PAPPA2: variants seen among roughly 807,000 people sequenced by gnomAD.
The protein encoded by PAPPA2 is pappalysin-2.
A neutral mutation model predicts 176.4 loss-of-function variants in PAPPA2; 86 were observed. The ratio of observed to expected loss-of-function variants is 0.49; its 90% CI spans 0.41 to 0.58. PAPPA2 has a LOEUF of 0.58. PAPPA2 is among the 20% of genes least tolerant of loss of function. PAPPA2 has a pLI of 0.00. For missense variants in PAPPA2, 2,073 were observed against 2,256.9 expected, an observed-to-expected ratio of 0.92 and a Z score of 1.65; for synonymous variants, 809 against 852.2, an observed-to-expected ratio of 0.95 and a Z score of 0.88.
At chr1:176,713,884 T>G (rs1270993160) in intron 12 of PAPPA2, among the ~76,000 whole-genome samples, 1 of 152,204 alleles carries the variant, frequency 6.6e-6, no homozygotes, top group Non-Finnish European at 1.5e-5. Context: ...AACCTTATTT[T>G]TTGACTTTTA....
chr1:176,739,651 C>T lies in PAPPA2; in HGVS notation c.3824C>T (p.Ala1275Val). The T allele has an allele frequency of 6.2e-7, 1 of 1,613,442 alleles. No homozygotes were observed. Among genetic ancestry groups the T allele is most frequent in the Non-Finnish European group, 8.5e-7 (1 of 1,179,584 alleles). The change falls in exon 13 of 23, where the codon GCC becomes GTC. Residue 1275 changes from alanine to valine, a missense_variant. By Grantham distance (64) the Ala-to-Val change is moderately conservative. This residue lies in a region of PAPPA2 where 846 missense variants were observed against 857.9 expected (regional missense o/e 0.99). Coordinates refer to ENST00000367662, the MANE Select transcript of PAPPA2 (RefSeq NM_020318.3). ...GTGTGTTTCAATAGACCAGGAGAGG[C>T]CAGAGCAATTTTTATTTTTTTGACA... ...LKVCFNRPGEARAIFIFLTTD... is the reference protein window; with the variant it reads ...LKVCFNRPGEVRAIFIFLTTD...
In PAPPA2 at chr1:176,595,033, C is replaced by T. The variant is rs199919301; in HGVS notation, c.1429C>T (p.Arg477Ter). The T allele has an allele frequency of 6.8e-6, 11 of 1,614,168 alleles. No homozygotes were observed. Among genetic ancestry groups the T allele is most frequent in the South Asian group, 1.1e-5 (1 of 91,086 alleles). The change falls in exon 3 of 23, where the codon CGA (arginine) becomes TGA (stop). Residue 477 changes from arginine (R) to a stop codon, truncating the protein, a stop_gained. Coordinates refer to ENST00000367662, the MANE Select transcript of PAPPA2 (RefSeq NM_020318.3). LOFTEE classifies it high-confidence loss of function. ...WVPFRDEKYP[R>*]LEVLQGFEPE... is the part of the protein sequence containing the mutation. ...TCCCTTTAGAGATGAGAAGTACCCA[C>T]GACTTGAGGTTCTCCAGGGCTTTGA...
chr1:176,842,728 C>A lies in PAPPA2; in HGVS notation c.*274C>A. 1 of 438,652 alleles carries A rather than the reference C, an allele frequency of 2.3e-6. No individual in the cohort carries two copies. Among genetic ancestry groups the A allele is most frequent in the Non-Finnish European group, 4.1e-6 (1 of 241,012 alleles). The allele number at this position is 438,652 out of a possible 1,614,324, so 27.2% of individuals were successfully genotyped here. ...AATATGATAGATATATAAGGACCCT[C>A]CTCCCTCACTTATATTCTATTAAAT... On this transcript the variant is annotated 3_prime_UTR_variant, in exon 23 of 23. Coordinates refer to ENST00000367662, the MANE Select transcript of PAPPA2 (RefSeq NM_020318.3).
intron 17 of PAPPA2, among the ~76,000 whole-genome samples, chr1:176,788,087 A>G (rs932978275): frequency 5.3e-5 from 8 of 152,180 alleles, no homozygotes; most frequent in Non-Finnish European, 1.2e-4. Flanking sequence ...AGAAAAAAAA[A>G]GATGATTTCA....
Position 176,594,837 on chromosome 1 carries a change from C to G in PAPPA2, c.1233C>G (p.Asp411Glu). 3 of 1,614,238 alleles carry G rather than the reference C, an allele frequency of 1.9e-6. No homozygotes were observed. The highest frequency in any genetic ancestry group is 1.7e-6 in the Non-Finnish European group (2 of 1,180,052). Residue 411 changes from aspartate (D) to glutamate (E), a missense_variant, in exon 3 of 23, where the codon GAC becomes GAG. Asp to Glu is a conservative substitution (Grantham distance 45). This residue lies in a region of PAPPA2 where 1,196 missense variants were observed against 1,330.4 expected (regional missense o/e 0.90). Transcript: ENST00000367662. ...ASCRSLLLGG[D>E]SSEDGHYFRG... ...GCCGCTCTTTGCTCCTGGGGGGAGA[C>G]AGCTCTGAGGATGGGCACTATTTCC...
In PAPPA2 at chr1:176,840,203, A is replaced by G. The variant is rs749896655; in HGVS notation, c.5233A>G (p.Ile1745Val). 2.5e-6 allele frequency: 4 copies of G among 1,613,358 alleles called. No homozygotes were observed. In the African/African-American group the frequency reaches 5.3e-5, roughly 22 times the overall value. ...CCAAGCAGATGGTTGGTGTGACACTATCAACAACCGAGCCTACTGCCACTA... is the reference window on the plus strand; with the variant it reads ...CCAAGCAGATGGTTGGTGTGACACTGTCAACAACCGAGCCTACTGCCACTA... ...PFQADGWCDT[I>V]NNRAYCHYDG... The change falls in exon 22 of 23, where the codon ATC becomes GTC. Residue 1745 changes from isoleucine (I) to valine (V), a missense_variant. Ile to Val is a conservative substitution (Grantham distance 29). Coordinates refer to ENST00000367662, the MANE Select transcript of PAPPA2 (RefSeq NM_020318.3).
chr1:176,816,354 T>C (rs1666400269), intron 21 of PAPPA2, among the ~76,000 whole-genome samples: 1 of 131,784 alleles, frequency 7.6e-6, no homozygotes, highest in African/African-American at 2.8e-5. Flanking sequence ...ATAGATGAGG[T>C]TTTAGCTCTC....
At chr1:176,714,297 G>A (rs1298179449) in intron 12 of PAPPA2, among the ~76,000 whole-genome samples, 1 of 151,984 alleles carries the variant, frequency 6.6e-6, no homozygotes, top group Non-Finnish European at 1.5e-5. Context: ...AACCCCTAAT[G>A]TTTAAGCCAG....
At chr1:176,561,388 T>C (rs1219709435) in intron 2 of PAPPA2, among the ~76,000 whole-genome samples, 1 of 152,200 alleles carries the variant, frequency 6.6e-6, no homozygotes, top group Non-Finnish European at 1.5e-5. Context: ...AGGCAATCAT[T>C]ACTGGGAGCA....
At chr1:176,597,539 TG>T (rs532486169) in intron 3 of PAPPA2, among the ~76,000 whole-genome samples, 1 of 151,818 alleles carries the variant, frequency 6.6e-6, no homozygotes, top group Non-Finnish European at 1.5e-5. Context: ...TGTCATGGGC[TG>T]GGGGGCTAGG....
rs543901391 is a variant in PAPPA2 at position 176,463,302 on chromosome 1, G to C, written c.-1033G>C. ...AAATTCCTTCTCACAACAGTGTCAA[G>C]AGCCTGGACGCCAGCCAGGATTGAG... On this transcript the variant is annotated 5_prime_UTR_variant, in exon 1 of 23. Coordinates refer to ENST00000367662, the MANE Select transcript of PAPPA2 (RefSeq NM_020318.3). 6.6e-6 allele frequency: 1 copy of C among 152,340 alleles called. No homozygotes were observed. The highest frequency in any genetic ancestry group is 1.9e-4 in the East Asian group (1 of 5,170). The allele number at this position is 152,340 out of a possible 1,614,324, so 9.4% of individuals were successfully genotyped here.
chr1:176,619,121 G>A (rs1655441918), intron 3 of PAPPA2, among the ~76,000 whole-genome samples: 3 of 152,164 alleles, frequency 2.0e-5, no homozygotes, highest in Admixed American at 6.5e-5. Context: ...ATGGCTCATG[G>A]AGGAAGTTGC....
chr1:176,805,983 G>GTC (rs1259967376), intron 21 of PAPPA2, among the ~76,000 whole-genome samples: 1 of 90,360 alleles, frequency 1.1e-5, no homozygotes, highest in Non-Finnish European at 2.0e-5. Flanking sequence ...GCAAAACCCT[G>GTC]TCTCTCTCAA....
intron 21 of PAPPA2, among the ~76,000 whole-genome samples, chr1:176,803,578 T>G (rs763307385): frequency 9.2e-5 from 14 of 152,148 alleles, no homozygotes; most frequent in African/African-American, 1.4e-4. Context: ...GATCATTATA[T>G]GAGTAGCTCT....
At chr1:176,593,392 G>A (rs1464270417) in intron 2 of PAPPA2, among the ~76,000 whole-genome samples, 1 of 152,150 alleles carries the variant, frequency 6.6e-6, no homozygotes, top group Non-Finnish European at 1.5e-5. Flanking sequence ...CCAAAGACTA[G>A]TATATTTTTC....
chr1:176,510,057 A>C (rs191542495), intron 1 of PAPPA2, among the ~76,000 whole-genome samples: 2 of 152,180 alleles, frequency 1.3e-5, no homozygotes, highest in Non-Finnish European at 2.9e-5. Context: ...AATAAACCCC[A>C]AAAACAAAAA....
intron 21 of PAPPA2, among the ~76,000 whole-genome samples, chr1:176,817,008 T>C (rs972576483): frequency 6.6e-6 from 1 of 152,116 alleles, no homozygotes; most frequent in African/African-American, 2.4e-5. Flanking sequence ...CCTAGGAATA[T>C]AAAGGTAATC....
At chr1:176,607,584 A>G (rs56303916) in intron 3 of PAPPA2, among the ~76,000 whole-genome samples, 78,588 of 152,036 alleles carry the variant, frequency 0.52, 22,375 homozygotes, top group African/African-American at 0.76. Context: ...GTATATATAC[A>G]TGTTCTTTAT....
At chr1:176,639,324 T>C (rs1486246739) in intron 3 of PAPPA2, among the ~76,000 whole-genome samples, 1 of 152,076 alleles carries the variant, frequency 6.6e-6, no homozygotes, top group East Asian at 1.9e-4. Context: ...CCCCACCTAG[T>C]TGCATTTGAA....
Sources: allele counts gnomAD v4.1 joint callset (sites outside exome capture counted in the v4.1 genomes callset), GRCh38; gene constraint gnomAD v4.1.1; regional missense constraint gnomAD v4.1.1; transcripts MANE v1.5; gene names NCBI Gene and HGNC (gene_info 2026-07-23, HGNC 2026-07-21).